The following PRIM2 variants were observed in gnomAD, a reference collection of about 807,000 sequenced individuals.
The protein encoded by PRIM2 is DNA primase subunit 2.
PRIM2 carries 39 observed loss-of-function variants against 67.3 expected under a neutral mutation model. The observed-to-expected ratio is 0.58, with a 90% CI of 0.45 to 0.76. The LOEUF (loss-of-function observed/expected upper bound fraction) is 0.76. Ranked by LOEUF, PRIM2 falls within the 30% of genes least tolerant of loss-of-function variation. The pLI is 0.00. For missense variants in PRIM2, 398 were observed against 598.7 expected, an observed-to-expected ratio of 0.66 and a Z score of 3.50; for synonymous variants, 143 against 198.7, an observed-to-expected ratio of 0.72 and a Z score of 2.36.
At chr6:57,561,055 A>T (rs1194955320) in intron 10 of PRIM2, among the ~76,000 whole-genome samples, 7 of 152,158 alleles carry the variant, frequency 4.6e-5, no homozygotes, top group African/African-American at 1.7e-4. Flanking sequence ...AGGCTGTTTT[A>T]TTCACATTGA....
intron 10 of PRIM2, among the ~76,000 whole-genome samples, chr6:57,554,966 A>G (rs1775483053): frequency 1.3e-5 from 2 of 152,204 alleles, no homozygotes; most frequent in African/African-American, 2.4e-5. Flanking sequence ...GCCACAGTGA[A>G]TGCCTTGTAT....
chr6:57,555,676 G>T (rs1467503168), intron 10 of PRIM2, among the ~76,000 whole-genome samples: 1 of 152,186 alleles, frequency 6.6e-6, no homozygotes, highest in Non-Finnish European at 1.5e-5. Context: ...CTGAAGATCA[G>T]TGAGTTTACT....
the PRIM2 span, among the ~76,000 whole-genome samples, chr6:57,308,715 G>C: frequency 6.6e-6 from 1 of 152,066 alleles, no homozygotes; most frequent in African/African-American, 2.4e-5. Context: ...GGCACCTGTA[G>C]AATATTATCT....
intron 7 of PRIM2, chr6:57,383,693 T>C (rs374509383): frequency 6.6e-6 from 1 of 152,088 alleles, no homozygotes; most frequent in Non-Finnish European, 1.5e-5. Flanking sequence ...ATGAGGCAGG[T>C]AACTTCGGGA....
intron 13 of PRIM2, among the ~76,000 whole-genome samples, chr6:57,640,885 T>C (rs1777219607): frequency 6.6e-6 from 1 of 151,904 alleles, no homozygotes; most frequent in African/African-American, 2.4e-5. Flanking sequence ...CTACTTTAAA[T>C]TTCAAGTGGA....
At chr6:57,329,973 G>A (rs1002350973) in intron 5 of PRIM2, among the ~76,000 whole-genome samples, 1 of 152,050 alleles carries the variant, frequency 6.6e-6, no homozygotes, top group Admixed American at 6.5e-5. Flanking sequence ...TTTTAAGATT[G>A]TTTTGGCTGC....
chr6:57,284,105 T>C, the PRIM2 span, among the ~76,000 whole-genome samples: 1 of 152,162 alleles, frequency 6.6e-6, no homozygotes, highest in East Asian at 1.9e-4. Flanking sequence ...CAGAAGTTTG[T>C]TTCATGAAGA....
the PRIM2 span, among the ~76,000 whole-genome samples, chr6:57,249,939 C>T: frequency 6.6e-6 from 1 of 152,160 alleles, no homozygotes; most frequent in Non-Finnish European, 1.5e-5. Flanking sequence ...CATTACTACA[C>T]CCTGCCTGAA....
chr6:57,569,600 T>G (rs1775822681), intron 10 of PRIM2, among the ~76,000 whole-genome samples: 1 of 152,282 alleles, frequency 6.6e-6, no homozygotes, highest in South Asian at 2.1e-4. Flanking sequence ...CTATGTTCAT[T>G]ACTCAGACTT....
At chr6:57,620,937 T>C (rs1463887582) in intron 12 of PRIM2, among the ~76,000 whole-genome samples, 3 of 152,272 alleles carry the variant, frequency 2.0e-5, no homozygotes, top group African/African-American at 7.2e-5. Context: ...GCTGTTCTTA[T>C]ATCAGATGAA....
chr6:57,328,835 TA>T (rs992284226), intron 5 of PRIM2, among the ~76,000 whole-genome samples: 86 of 152,324 alleles, frequency 5.6e-4, no homozygotes, highest in African/African-American at 1.9e-3. Context: ...TGTTACCTTT[TA>T]AAAAAATATA....
intron 7 of PRIM2, among the ~76,000 whole-genome samples, chr6:57,446,418 C>CTTTTCTTTTTTTTTTTTTT (rs1772366960): frequency 1.2e-5 from 1 of 83,814 alleles, no homozygotes; most frequent in African/African-American, 4.9e-5. Context: ...CACGCCACTT[C>CTTTTCTTTTTTTTTTTTTT]TTTTTTTTTT....
intron 12 of PRIM2, among the ~76,000 whole-genome samples, chr6:57,623,630 A>AT (rs1359908169): frequency 4.6e-5 from 7 of 152,162 alleles, no homozygotes; most frequent in African/African-American, 7.2e-5. Flanking sequence ...TCATAAAACT[A>AT]TTCTAACTTA....
chr6:57,282,366 G>C, the PRIM2 span, among the ~76,000 whole-genome samples: 2 of 152,116 alleles, frequency 1.3e-5, no homozygotes, highest in Admixed American at 6.6e-5. Flanking sequence ...CACAGCTTCA[G>C]CTAAGATCTT....
At chr6:57,609,559 G>C (rs1347646351) in intron 12 of PRIM2, among the ~76,000 whole-genome samples, 1 of 152,134 alleles carries the variant, frequency 6.6e-6, no homozygotes, top group African/African-American at 2.4e-5. Context: ...GAAAATTAAT[G>C]TTTATAGTTA....
intron 11 of PRIM2, 55 bp from the exon 12 acceptor site, chr6:57,606,320 A>G: frequency 6.9e-7 from 1 of 1,446,236 alleles, no homozygotes; most frequent in South Asian, 1.2e-5. Context: ...GTGGTGTTGT[A>G]CTAAGTTGTG....
At chr6:57,293,564 T>C in the PRIM2 span, among the ~76,000 whole-genome samples, 4 of 152,156 alleles carry the variant, frequency 2.6e-5, no homozygotes, top group Non-Finnish European at 5.9e-5. Flanking sequence ...CTATTCACAA[T>C]AGCAAAGACT....
At chr6:57,367,333 A>G (rs1769393353) in intron 5 of PRIM2, among the ~76,000 whole-genome samples, 1 of 151,952 alleles carries the variant, frequency 6.6e-6, no homozygotes, top group Admixed American at 6.6e-5. Flanking sequence ...ATTTTTTCCT[A>G]TTATATGGCT....
Position 57,537,428 on chromosome 6 carries a change from T to A in PRIM2, c.835-12T>A, listed in dbSNP as rs1724608434. ...CCACTTAACTTAAAACTCTACTATTTTTTTCTTGTAGCTTTCTACCAAATC... is the reference window on the plus strand; with the variant it reads ...CCACTTAACTTAAAACTCTACTATTATTTTCTTGTAGCTTTCTACCAAATC... On this transcript the variant is annotated splice_polypyrimidine_tract_variant and intron_variant, in intron 9 of 13. Transcript: ENST00000615550. 2.2e-6 allele frequency: 3 copies of A among 1,342,216 alleles called. No homozygotes were observed. Among genetic ancestry groups the A allele is most frequent in the Non-Finnish European group, 3.1e-6 (3 of 974,288 alleles). The allele number at this position is 1,342,216 out of a possible 1,614,324, so 83.1% of individuals were successfully genotyped here.
Sources: gnomAD v4.1 joint callset for allele counts (sites outside exome capture counted in the v4.1 genomes callset) on GRCh38, gnomAD v4.1.1 for gene constraint, MANE v1.5 for transcripts, NCBI Gene and HGNC (gene_info 2026-07-23, HGNC 2026-07-21) for gene names.